MECOM: variants seen among roughly 807,000 people sequenced by gnomAD.
MECOM encodes the protein MDS1 and EVI1 complex locus.
MECOM carries 13 observed loss-of-function variants against 116.3 expected under a neutral mutation model. That is an observed-to-expected ratio of 0.11 (90% confidence interval 0.07 to 0.18). The LOEUF (loss-of-function observed/expected upper bound fraction) is 0.18. Among genes scored for constraint, MECOM ranks in the 10% least tolerant of loss-of-function variants. The pLI is 1.00. For missense variants in MECOM, 1,299 were observed against 1,509.0 expected, an observed-to-expected ratio of 0.86 and a Z score of 2.31; for synonymous variants, 528 against 535.2, an observed-to-expected ratio of 0.99 and a Z score of 0.19.
chr3:169,472,658 G>A (rs1749705810), intron 1 of MECOM, among the ~76,000 whole-genome samples: 1 of 57,902 alleles, frequency 1.7e-5, no homozygotes, highest in Admixed American at 1.9e-4. Context: ...GAAAAGAAAA[G>A]AAAGGAAAGG....
chr3:169,569,728 C>T (rs1763656919), intron 1 of MECOM, among the ~76,000 whole-genome samples: 1 of 152,142 alleles, frequency 6.6e-6, no homozygotes, highest in Admixed American at 6.5e-5. Flanking sequence ...TCCTGAAGGA[C>T]AACTGGGTAA....
chr3:169,548,971 C>CT (rs756925389), intron 1 of MECOM, among the ~76,000 whole-genome samples: 6,522 of 119,030 alleles, frequency 0.055, 378 homozygotes, highest in East Asian at 0.3. Context: ...ATTTGTCTCT[C>CT]TTTTTTTTTT....
chr3:169,208,232 T>C (rs538154354), intron 2 of MECOM, among the ~76,000 whole-genome samples: 1 of 150,250 alleles, frequency 6.7e-6, no homozygotes, highest in African/African-American at 2.4e-5. Context: ...TGTGTGTATA[T>C]TTATATATGT....
At chr3:169,505,115 G>A (rs9876352) in intron 1 of MECOM, among the ~76,000 whole-genome samples, 18,837 of 152,006 alleles carry the variant, frequency 0.12, 3,865 homozygotes, top group African/African-American at 0.43. Flanking sequence ...AAACAAAAAT[G>A]TCCAACTTCC....
intron 2 of MECOM, among the ~76,000 whole-genome samples, chr3:169,294,589 G>T (rs1715237651): frequency 6.6e-6 from 1 of 152,188 alleles, no homozygotes; most frequent in Admixed American, 6.5e-5. Flanking sequence ...TCACATGGGA[G>T]AGAAGCCACT....
At chr3:169,456,727 G>A (rs62294347) in intron 1 of MECOM, among the ~76,000 whole-genome samples, 13,500 of 152,026 alleles carry the variant, frequency 0.089, 722 homozygotes, top group African/African-American at 0.15. Flanking sequence ...CATCCCCTCC[G>A]TAAAGGTGGG....
At chr3:169,301,629 T>A (rs1716730625) in intron 2 of MECOM, among the ~76,000 whole-genome samples, 1 of 152,156 alleles carries the variant, frequency 6.6e-6, no homozygotes, top group Non-Finnish European at 1.5e-5. Context: ...TAAATTAAAA[T>A]TTTCCCCATT....
At chr3:169,097,815 T>TAC (rs1722105989) in intron 12 of MECOM, among the ~76,000 whole-genome samples, 1 of 5,608 alleles carries the variant, frequency 1.8e-4, no homozygotes, top group African/African-American at 4.2e-4. Context: ...CTACTGTCTA[T>TAC]ATAAAAAAAA....
intron 1 of MECOM, among the ~76,000 whole-genome samples, chr3:169,384,956 T>G (rs1271670924): frequency 6.6e-6 from 1 of 151,540 alleles, no homozygotes. Context: ...TACAAAAAAT[T>G]AGCCGGGCAT....
chr3:169,642,051 TAAG>T (rs1560525985), intron 1 of MECOM, among the ~76,000 whole-genome samples: 1 of 152,166 alleles, frequency 6.6e-6, no homozygotes, highest in Non-Finnish European at 1.5e-5. Flanking sequence ...AAATGGCAAA[TAAG>T]GCATTTAATG....
chr3:169,297,989 C>T (rs1235242390), intron 2 of MECOM, among the ~76,000 whole-genome samples: 3 of 152,210 alleles, frequency 2.0e-5, no homozygotes, highest in African/African-American at 4.8e-5. Context: ...TTCCAAACCA[C>T]TCCTTTTGTG....
At chr3:169,203,983 G>A (rs1749560705) in intron 2 of MECOM, among the ~76,000 whole-genome samples, 1 of 152,136 alleles carries the variant, frequency 6.6e-6, no homozygotes, top group Non-Finnish European at 1.5e-5. Context: ...GAATTATATG[G>A]CTTAGGTGTA....
At chr3:169,110,210 G>C (rs1159531664) in intron 9 of MECOM, among the ~76,000 whole-genome samples, 1 of 152,158 alleles carries the variant, frequency 6.6e-6, no homozygotes, top group Non-Finnish European at 1.5e-5. Flanking sequence ...TACTTCTGCA[G>C]TGAGGTCATG....
At chr3:169,178,086 C>T (rs1230398205) in intron 2 of MECOM, among the ~76,000 whole-genome samples, 1 of 152,094 alleles carries the variant, frequency 6.6e-6, no homozygotes, top group Non-Finnish European at 1.5e-5. Flanking sequence ...TATTCTCCTA[C>T]ATAGCCTTTA....
At chr3:169,468,093 C>T (rs187617869) in intron 1 of MECOM, among the ~76,000 whole-genome samples, 13 of 149,524 alleles carry the variant, frequency 8.7e-5, no homozygotes, top group African/African-American at 3.2e-4. Context: ...TCTTCGTGTG[C>T]TTCTTACTAA....
chr3:169,420,239 A>G (rs1029515930), intron 1 of MECOM, among the ~76,000 whole-genome samples: 2 of 152,114 alleles, frequency 1.3e-5, no homozygotes, highest in African/African-American at 4.8e-5. Flanking sequence ...CCACCAATCA[A>G]CTACTGTTGG....
intron 2 of MECOM, among the ~76,000 whole-genome samples, chr3:169,319,562 A>AC (rs1720472150): frequency 6.6e-6 from 1 of 151,800 alleles, no homozygotes; most frequent in Non-Finnish European, 1.5e-5. Context: ...AGTATAATAA[A>AC]AAAAAAATCA....
At chr3:169,104,157 G>A (rs1337736370) in intron 10 of MECOM, among the ~76,000 whole-genome samples, 1 of 152,180 alleles carries the variant, frequency 6.6e-6, no homozygotes, top group African/African-American at 2.4e-5. Flanking sequence ...CAGCACATTT[G>A]TCACTATGAA....
At chr3:169,195,982 T>A (rs1157283054) in intron 2 of MECOM, among the ~76,000 whole-genome samples, 1 of 152,082 alleles carries the variant, frequency 6.6e-6, no homozygotes, top group African/African-American at 2.4e-5. Context: ...CATAGTCTGC[T>A]GAAACCAATA....
Sources: gnomAD v4.1 joint callset for allele counts (sites outside exome capture counted in the v4.1 genomes callset) on GRCh38, gnomAD v4.1.1 for gene constraint, MANE v1.5 for transcripts, NCBI Gene and HGNC (gene_info 2026-07-23, HGNC 2026-07-21) for gene names.